Variants in GRIP1 observed in about 807,000 individuals in gnomAD.
GRIP1 encodes the protein glutamate receptor interacting protein 1.
A neutral mutation model predicts 129.9 loss-of-function variants in GRIP1; 45 were observed. The observed-to-expected ratio is 0.35, with a 90% CI of 0.27 to 0.44. The LOEUF (loss-of-function observed/expected upper bound fraction) is 0.44. GRIP1 is among the 20% of genes least tolerant of loss of function. GRIP1 has a pLI of 1.00. For synonymous variants in GRIP1, 530 were observed against 520.8 expected (o/e 1.02, Z -0.24); for missense variants, 1,196 against 1,396.8 (o/e 0.86, Z 2.29).
intron 1 of GRIP1, among the ~76,000 whole-genome samples, chr12:67,048,659 A>G (rs991978971): frequency 6.6e-6 from 1 of 152,118 alleles, no homozygotes; most frequent in Non-Finnish European, 1.5e-5. Context: ...TGTAACTCCC[A>G]TAATTCCCAT....
At chr12:66,596,818 A>C in intron 2 of GRIP1, 29 bp downstream of exon 2, 1 of 1,369,316 alleles carries the variant, frequency 7.3e-7, no homozygotes, top group Non-Finnish European at 1.0e-6. Context: ...AAAGTAAAAC[A>C]GCTGAAAAAT....
chr12:66,803,834 G>T, intron 1 of GRIP1: 1 of 161,116 alleles, frequency 6.2e-6, no homozygotes, highest in Non-Finnish European at 1.4e-5. Context: ...AAATATTAAC[G>T]ATGTGTACAG....
intron 23 of GRIP1, among the ~76,000 whole-genome samples, chr12:66,357,404 G>A (rs530175578): frequency 3.9e-5 from 6 of 152,240 alleles, no homozygotes; most frequent in South Asian, 2.1e-4. Flanking sequence ...GATTTCAGTC[G>A]AGGTTAGCTT....
chr12:66,689,668 G>A (rs1209904179), intron 1 of GRIP1, among the ~76,000 whole-genome samples: 6 of 151,850 alleles, frequency 4.0e-5, no homozygotes, highest in South Asian at 2.1e-4. Flanking sequence ...TGGGTGTGAC[G>A]GGGGTCATGA....
chr12:66,999,688 T>C (rs1162402102), intron 1 of GRIP1, among the ~76,000 whole-genome samples: 1 of 152,052 alleles, frequency 6.6e-6, no homozygotes, highest in Non-Finnish European at 1.5e-5. Context: ...AATGTACATA[T>C]GAAAGCACAA....
intron 2 of GRIP1, among the ~76,000 whole-genome samples, chr12:66,556,090 C>T (rs2062321711): frequency 6.6e-6 from 1 of 151,972 alleles, no homozygotes; most frequent in Non-Finnish European, 1.5e-5. Flanking sequence ...GAACACCAAA[C>T]AGATTGAGCC....
intron 1 of GRIP1, among the ~76,000 whole-genome samples, chr12:66,635,017 G>A (rs2031216398): frequency 1.3e-5 from 2 of 152,154 alleles, no homozygotes; most frequent in African/African-American, 4.8e-5. Flanking sequence ...ATAAACTCCA[G>A]GAGGACAAAT....
chr12:66,906,842 A>C (rs1375807994), intron 1 of GRIP1, among the ~76,000 whole-genome samples: 2 of 152,210 alleles, frequency 1.3e-5, no homozygotes, highest in Non-Finnish European at 2.9e-5. Flanking sequence ...TTTTTATTTT[A>C]AAGTAATTTT....
chr12:66,962,503 C>T (rs923139971), intron 1 of GRIP1, among the ~76,000 whole-genome samples: 3 of 152,024 alleles, frequency 2.0e-5, no homozygotes, highest in African/African-American at 4.8e-5. Flanking sequence ...TACTAAAAAG[C>T]GAAAGTGGCC....
At chr12:67,044,300 T>G (rs373965050) in intron 1 of GRIP1, among the ~76,000 whole-genome samples, 3 of 152,198 alleles carry the variant, frequency 2.0e-5, no homozygotes, top group African/African-American at 7.2e-5. Flanking sequence ...AAATTTAATA[T>G]GCGAATTGCT....
At chr12:67,013,139 G>A (rs1378599295) in intron 1 of GRIP1, among the ~76,000 whole-genome samples, 2 of 152,040 alleles carry the variant, frequency 1.3e-5, no homozygotes, top group Non-Finnish European at 2.9e-5. Flanking sequence ...GAAAATATCA[G>A]GTGCAGCAGA....
At chr12:66,696,681 T>C (rs2035172598) in intron 1 of GRIP1, among the ~76,000 whole-genome samples, 1 of 151,810 alleles carries the variant, frequency 6.6e-6, no homozygotes, top group Non-Finnish European at 1.5e-5. Context: ...GGCGGGCACC[T>C]GTAGTCCCAG....
chr12:66,708,346 C>G (rs2035605322), intron 1 of GRIP1, among the ~76,000 whole-genome samples: 1 of 151,934 alleles, frequency 6.6e-6, no homozygotes, highest in South Asian at 2.1e-4. Flanking sequence ...TAACCCCTGT[C>G]TAAAATTTTA....
chr12:66,355,220 ATGTGTGTGTGTGTGTGC>A (rs945019671), intron 23 of GRIP1, among the ~76,000 whole-genome samples: 4 of 151,554 alleles, frequency 2.6e-5, no homozygotes, highest in African/African-American at 9.7e-5. Context: ...TTGTGTGTGC[ATGTGTGTGTGTGTGTGC>A]ACACACACTG....
At chr12:66,941,625 G>C (rs1223747250) in intron 1 of GRIP1, among the ~76,000 whole-genome samples, 1 of 152,140 alleles carries the variant, frequency 6.6e-6, no homozygotes, top group Non-Finnish European at 1.5e-5. Context: ...TGCTACAGGT[G>C]TCATTTGATG....
chr12:66,610,858 C>A (rs2064762813), intron 1 of GRIP1, among the ~76,000 whole-genome samples: 2 of 152,140 alleles, frequency 1.3e-5, no homozygotes, highest in African/African-American at 2.4e-5. Context: ...ATAATATGTA[C>A]TATTCATACA....
chr12:66,979,252 A>AAAAAAAAACAAC (rs772753895), intron 1 of GRIP1, among the ~76,000 whole-genome samples: 13 of 110,238 alleles, frequency 1.2e-4, no homozygotes, highest in Non-Finnish European at 2.0e-4. Context: ...AAAAAAAAAA[A>AAAAAAAAACAAC]AACAAGCCCG....
intron 1 of GRIP1, 117 bp from the exon 2 acceptor site, chr12:66,597,044 G>A (rs2064081249): frequency 1.3e-6 from 1 of 784,958 alleles, no homozygotes; most frequent in African/African-American, 1.7e-5. Flanking sequence ...AGTGGAAAGT[G>A]TCGGTAGGCC....
At chr12:66,434,993 T>G (rs1217610577) in intron 13 of GRIP1, among the ~76,000 whole-genome samples, 8 of 152,190 alleles carry the variant, frequency 5.3e-5, no homozygotes, top group Non-Finnish European at 8.8e-5. Context: ...GGAGTGCATG[T>G]TTCTTGCTGG....
Sources: gnomAD v4.1 joint callset for allele counts (sites outside exome capture counted in the v4.1 genomes callset) on GRCh38, gnomAD v4.1.1 for gene constraint, MANE v1.5 for transcripts, NCBI Gene and HGNC (gene_info 2026-07-23, HGNC 2026-07-21) for gene names.